DPYD: variants seen among roughly 807,000 people sequenced by gnomAD.
The protein encoded by DPYD is dihydropyrimidine dehydrogenase.
Under a neutral mutation model 116.2 loss-of-function variants are expected in DPYD, and 109 were observed. The ratio of observed to expected loss-of-function variants is 0.94; its 90% CI spans 0.80 to 1.10. The LOEUF is 1.10. DPYD is among the 50% of genes least tolerant of loss of function. The pLI is 0.00. For synonymous variants in DPYD, 440 were observed against 432.0 expected, an observed-to-expected ratio of 1.02 and a Z score of -0.23; for missense variants, 1,302 against 1,254.5, an observed-to-expected ratio of 1.04 and a Z score of -0.57.
At chr1:97,488,307 C>T (rs1457640839) in intron 13 of DPYD, among the ~76,000 whole-genome samples, 1 of 152,014 alleles carries the variant, frequency 6.6e-6, no homozygotes, top group African/African-American at 2.4e-5. Flanking sequence ...GTAAGTGTGA[C>T]TACAAAAGGT....
chr1:97,445,714 T>G (rs184779283), intron 14 of DPYD, among the ~76,000 whole-genome samples: 1 of 141,874 alleles, frequency 7.0e-6, no homozygotes, highest in Non-Finnish European at 1.5e-5. Context: ...TCTAAATGTA[T>G]AAATTGTCTG....
At chr1:97,341,787 A>G (rs1431740589) in intron 16 of DPYD, among the ~76,000 whole-genome samples, 1 of 152,160 alleles carries the variant, frequency 6.6e-6, no homozygotes, top group Non-Finnish European at 1.5e-5. Flanking sequence ...GTAGCTGCAG[A>G]ATCAAGTCTT....
intron 14 of DPYD, among the ~76,000 whole-genome samples, chr1:97,403,886 C>T (rs1215268806): frequency 6.6e-6 from 1 of 151,778 alleles, no homozygotes; most frequent in African/African-American, 2.4e-5. Context: ...AAACTTAGGT[C>T]ATTAATTTTA....
At position 97,884,162 on chromosome 1, in the gene DPYD, G is replaced by A. The variant is rs576010557; in HGVS notation, c.40-788C>T. On this transcript the variant is annotated intron_variant, in intron 1 of 22. Coordinates refer to ENST00000370192, the MANE Select transcript of DPYD (RefSeq NM_000110.4). ...ACTAATATGGGGCAAAATATAAATCGAGTAATTGTTATTGTATTTTCTACT... is the reference window on the plus strand; with the variant it reads ...ACTAATATGGGGCAAAATATAAATCAAGTAATTGTTATTGTATTTTCTACT... Among the ~76,000 whole-genome samples, 11 of 151,950 alleles carry A rather than the reference G, an allele frequency of 7.2e-5. No homozygotes were observed. The East Asian group carries it at 1.8e-3, about 24-fold the overall frequency.
intron 13 of DPYD, among the ~76,000 whole-genome samples, chr1:97,488,030 T>C (rs1432970743): frequency 6.6e-6 from 1 of 152,100 alleles, no homozygotes; most frequent in Non-Finnish European, 1.5e-5. Context: ...CCAGATATCC[T>C]TCAACAGGTG....
At chr1:97,613,656 G>C (rs1207166202) in intron 8 of DPYD, among the ~76,000 whole-genome samples, 2 of 151,964 alleles carry the variant, frequency 1.3e-5, no homozygotes, top group Non-Finnish European at 2.9e-5. Context: ...GAAAGAGCTA[G>C]AGCATGAATA....
rs953482419 is a variant in DPYD at position 97,194,740 on chromosome 1, T to A, written c.2443-1492A>T. ...GGATGGCCTCAATCTCTTGACTTTG[T>A]GATCCACCCGCCTCAGCCTCCCAAA... On this transcript the variant is annotated intron_variant, in intron 19 of 22. Transcript: ENST00000370192. 4.6e-5 allele frequency among the ~76,000 whole-genome samples: 7 copies of A among 152,172 alleles called. No homozygotes were observed. The East Asian group carries it at 5.8e-4, about 13-fold the overall frequency.
chr1:97,376,788 G>C (rs1197849049), intron 15 of DPYD, among the ~76,000 whole-genome samples: 1 of 151,888 alleles, frequency 6.6e-6, no homozygotes, highest in Admixed American at 6.6e-5. Flanking sequence ...TGATGGCAGT[G>C]ACATAGGAAA....
chr1:97,111,202 C>T (rs1651569385), intron 20 of DPYD, among the ~76,000 whole-genome samples: 1 of 152,058 alleles, frequency 6.6e-6, no homozygotes, highest in African/African-American at 2.4e-5. Context: ...CCTGCTTTCT[C>T]TTTTGACTTG....
At chr1:97,252,907 C>G (rs576024705) in intron 18 of DPYD, among the ~76,000 whole-genome samples, 26 of 152,202 alleles carry the variant, frequency 1.7e-4, no homozygotes, top group African/African-American at 6.0e-4. Context: ...TATTCATAAA[C>G]TTCGAAATAC....
intron 7 of DPYD, among the ~76,000 whole-genome samples, chr1:97,684,791 C>A (rs1660627666): frequency 6.6e-6 from 1 of 152,032 alleles, no homozygotes. Flanking sequence ...CAAGGCTGAA[C>A]AAGGAAGAAG....
At chr1:97,763,410 C>A (rs564567129) in intron 3 of DPYD, among the ~76,000 whole-genome samples, 64 of 151,724 alleles carry the variant, frequency 4.2e-4, no homozygotes, top group Non-Finnish European at 4.3e-4. Context: ...ATTATTGTTA[C>A]CTTCTCTTCC....
At chr1:97,123,802 C>T (rs549621228) in intron 20 of DPYD, among the ~76,000 whole-genome samples, 37 of 152,174 alleles carry the variant, frequency 2.4e-4, no homozygotes, top group Non-Finnish European at 4.3e-4. Context: ...TTCATTACAA[C>T]ATCTGAAATA....
intron 11 of DPYD, among the ~76,000 whole-genome samples, chr1:97,561,004 G>T (rs547622406): frequency 1.6e-4 from 24 of 152,192 alleles, no homozygotes; most frequent in Non-Finnish European, 2.6e-4. Flanking sequence ...GTGAAGGAAA[G>T]CAAGTGAGAC....
intron 3 of DPYD, among the ~76,000 whole-genome samples, chr1:97,792,919 C>A (rs117454424): frequency 6.6e-6 from 1 of 151,900 alleles, no homozygotes; most frequent in Non-Finnish European, 1.5e-5. Context: ...AGACATAACA[C>A]GTAAATATAA....
chr1:97,284,239 T>C (rs1665516332), intron 18 of DPYD, among the ~76,000 whole-genome samples: 1 of 152,134 alleles, frequency 6.6e-6, no homozygotes, highest in South Asian at 2.1e-4. Context: ...TCTTGACTTT[T>C]ATTTTAATGG....
intron 2 of DPYD, among the ~76,000 whole-genome samples, chr1:97,854,266 T>C (rs1670710279): frequency 6.6e-6 from 1 of 152,236 alleles, no homozygotes; most frequent in South Asian, 2.1e-4. Context: ...TGAAAATATC[T>C]GTATTTGCAG....
chr1:97,795,005 A>C (rs1667495315), intron 3 of DPYD, among the ~76,000 whole-genome samples: 1 of 152,118 alleles, frequency 6.6e-6, no homozygotes, highest in African/African-American at 2.4e-5. Context: ...TTTGTAGATC[A>C]CATTAGATTT....
At chr1:97,169,372 A>C (rs1289513453) in intron 20 of DPYD, among the ~76,000 whole-genome samples, 1 of 152,058 alleles carries the variant, frequency 6.6e-6, no homozygotes, top group Non-Finnish European at 1.5e-5. Context: ...CCAACTCCAA[A>C]TGTTTACAAA....
Sources: gnomAD v4.1 joint callset for allele counts (sites outside exome capture counted in the v4.1 genomes callset) on GRCh38, gnomAD v4.1.1 for gene constraint, MANE v1.5 for transcripts, NCBI Gene and HGNC (gene_info 2026-07-23, HGNC 2026-07-21) for gene names.